Variants in SEMA6D observed in about 807,000 individuals in gnomAD.
SEMA6D encodes semaphorin-6D.
In SEMA6D, 35 loss-of-function variants were observed where a neutral mutation model predicts 106.6. That is an observed-to-expected ratio of 0.33 (90% CI 0.25 to 0.44). The LOEUF is 0.44. Ranked by LOEUF, SEMA6D falls within the 20% of genes least tolerant of loss-of-function variation. SEMA6D has a pLI of 1.00. For synonymous variants in SEMA6D, 499 were observed against 487.7 expected (o/e 1.02, Z -0.31); for missense variants, 1,185 against 1,345.9 (o/e 0.88, Z 1.87).
At chr15:47,546,172 C>T (rs2045515539) in intron 3 of SEMA6D, among the ~76,000 whole-genome samples, 1 of 152,012 alleles carries the variant, frequency 6.6e-6, no homozygotes, top group Non-Finnish European at 1.5e-5. Flanking sequence ...CTTAAAACTC[C>T]AAAACCATGG....
intron 2 of SEMA6D, among the ~76,000 whole-genome samples, chr15:47,458,980 A>T (rs1220864134): frequency 6.6e-6 from 1 of 152,034 alleles, no homozygotes; most frequent in Non-Finnish European, 1.5e-5. Flanking sequence ...GCTTTGTGTA[A>T]TCTTCTACCC....
chr15:47,243,299 C>T (rs1238344421), intron 1 of SEMA6D, among the ~76,000 whole-genome samples: 1 of 152,020 alleles, frequency 6.6e-6, no homozygotes, highest in Non-Finnish European at 1.5e-5. Flanking sequence ...AGCATCAACC[C>T]ATGAACTGGT....
At chr15:47,254,875 T>TTTTGTGTGTG (rs1555411185) in intron 1 of SEMA6D, among the ~76,000 whole-genome samples, 160 of 134,400 alleles carry the variant, frequency 1.2e-3, no homozygotes, top group African/African-American at 2.7e-3. Context: ...ACCTGTGGTT[T>TTTTGTGTGTG]TGTGTGTGTG....
At chr15:47,559,311 C>A (rs1462661585) in intron 3 of SEMA6D, among the ~76,000 whole-genome samples, 1 of 152,034 alleles carries the variant, frequency 6.6e-6, no homozygotes, top group Non-Finnish European at 1.5e-5. Flanking sequence ...TCATGAGAAA[C>A]AATCATTTAA....
At chr15:47,544,274 T>TAA (rs1367541545) in intron 3 of SEMA6D, among the ~76,000 whole-genome samples, 2 of 152,136 alleles carry the variant, frequency 1.3e-5, no homozygotes, top group East Asian at 3.8e-4. Flanking sequence ...ATATCCAAAA[T>TAA]AAAGTGTGCT....
chr15:47,640,546 C>A (rs919492279), intron 4 of SEMA6D, among the ~76,000 whole-genome samples: 1 of 151,990 alleles, frequency 6.6e-6, no homozygotes, highest in Non-Finnish European at 1.5e-5. Flanking sequence ...TCAGTACTCT[C>A]GAAACAGCTT....
intron 3 of SEMA6D, among the ~76,000 whole-genome samples, chr15:47,483,619 T>C (rs1336091642): frequency 1.3e-5 from 2 of 152,152 alleles, no homozygotes; most frequent in Non-Finnish European, 2.9e-5. Flanking sequence ...CAGGATGTTT[T>C]AAAAATCATA....
chr15:47,748,044 AG>A (rs1179678898), intron 1 of SEMA6D, among the ~76,000 whole-genome samples: 5 of 152,120 alleles, frequency 3.3e-5, no homozygotes, highest in African/African-American at 1.2e-4. Flanking sequence ...GGAGATGGGG[AG>A]GTTGACAGAA....
chr15:47,743,396 G>A (rs553255910), intron 1 of SEMA6D, among the ~76,000 whole-genome samples: 8 of 151,528 alleles, frequency 5.3e-5, no homozygotes, highest in African/African-American at 1.7e-4. Context: ...TTTTTTTCTT[G>A]AGAAGGCACA....
At chr15:47,452,587 G>C (rs1037123709) in intron 2 of SEMA6D, among the ~76,000 whole-genome samples, 17 of 151,630 alleles carry the variant, frequency 1.1e-4, no homozygotes, top group Admixed American at 9.9e-4. Flanking sequence ...CATTTTTAAG[G>C]AAAAAAATCT....
chr15:47,677,491 C>T (rs1266175737), intron 4 of SEMA6D, among the ~76,000 whole-genome samples: 1 of 152,134 alleles, frequency 6.6e-6, no homozygotes, highest in African/African-American at 2.4e-5. Context: ...GAATTAGCCT[C>T]CATCTCTTAA....
chr15:47,451,287 A>ATG (rs1440748997), intron 2 of SEMA6D, among the ~76,000 whole-genome samples: 1 of 151,972 alleles, frequency 6.6e-6, no homozygotes. Flanking sequence ...AAAATGGTTG[A>ATG]TGTGCATACT....
intron 1 of SEMA6D, among the ~76,000 whole-genome samples, chr15:47,277,059 A>G (rs547553608): frequency 6.6e-6 from 1 of 152,254 alleles, no homozygotes; most frequent in African/African-American, 2.4e-5. Flanking sequence ...TAGAATTATT[A>G]ATAGACATGA....
intron 1 of SEMA6D, among the ~76,000 whole-genome samples, chr15:47,212,463 G>A (rs553161819): frequency 1.8e-4 from 28 of 152,152 alleles, no homozygotes; most frequent in Non-Finnish European, 3.8e-4. Flanking sequence ...GGGTGATTAC[G>A]AGCATGACGT....
intron 1 of SEMA6D, among the ~76,000 whole-genome samples, chr15:47,305,967 G>A (rs934784046): frequency 2.0e-5 from 3 of 152,026 alleles, no homozygotes; most frequent in African/African-American, 7.2e-5. Context: ...AGGTTTATTG[G>A]TAACTCATCT....
At position 47,361,660 on chromosome 15, in the gene SEMA6D, G is replaced by T. The variant is rs555080593; in HGVS notation, c.-238-50733G>T. Among the ~76,000 whole-genome samples the T allele has an allele frequency of 4.6e-5, 7 of 152,262 alleles. No homozygotes were observed. The South Asian group carries it at 1.5e-3, about 32-fold the overall frequency. ...GCCCAGTGTCCGTCATTTATTCAATGCTCAGTGCGCATTTGAGGAACAGAT... is the reference window on the plus strand; with the variant it reads ...GCCCAGTGTCCGTCATTTATTCAATTCTCAGTGCGCATTTGAGGAACAGAT... On this transcript the variant is annotated intron_variant, in intron 1 of 19. Transcript: ENST00000558014.
intron 1 of SEMA6D, among the ~76,000 whole-genome samples, chr15:47,330,292 G>A (rs1414388307): frequency 6.6e-6 from 1 of 152,122 alleles, no homozygotes; most frequent in Non-Finnish European, 1.5e-5. Context: ...TGACCCATAG[G>A]TAACCAAGCC....
intron 3 of SEMA6D, among the ~76,000 whole-genome samples, chr15:47,552,822 A>ATT (rs1566882446): frequency 1.9e-5 from 1 of 53,694 alleles, no homozygotes; most frequent in Non-Finnish European, 3.0e-5. Context: ...ATATAAATAT[A>ATT]TATATTTTTA....
intron 3 of SEMA6D, among the ~76,000 whole-genome samples, chr15:47,562,120 G>T (rs1245144369): frequency 6.6e-6 from 1 of 151,938 alleles, no homozygotes; most frequent in East Asian, 1.9e-4. Flanking sequence ...AACCAAAGTA[G>T]ATAGTCAAGG....
Sources: allele counts gnomAD v4.1 joint callset (sites outside exome capture counted in the v4.1 genomes callset), GRCh38; gene constraint gnomAD v4.1.1; transcripts MANE v1.5; gene names NCBI Gene and HGNC (gene_info 2026-07-23, HGNC 2026-07-21).